SSBP3: variants seen among roughly 807,000 people sequenced by gnomAD.
SSBP3 encodes the protein single-stranded DNA-binding protein 3.
A neutral mutation model predicts 69.6 loss-of-function variants in SSBP3; 5 were observed. The ratio of observed to expected loss-of-function variants is 0.07; its 90% CI spans 0.04 to 0.15. The LOEUF is 0.15. Among genes scored for constraint, SSBP3 ranks in the 10% least tolerant of loss-of-function variants. SSBP3 has a pLI of 1.00. For missense variants in SSBP3, 312 were observed against 534.0 expected (o/e 0.58, Z 4.10); for synonymous variants, 196 against 193.4 (o/e 1.01, Z -0.11).
chr1:54,363,263 T>C (rs1275004565), intron 4 of SSBP3, among the ~76,000 whole-genome samples: 1 of 152,178 alleles, frequency 6.6e-6, no homozygotes, highest in African/African-American at 2.4e-5. Context: ...ACACAGTGCC[T>C]TGTTTCACCA....
intron 4 of SSBP3, among the ~76,000 whole-genome samples, chr1:54,360,704 G>A (rs1010169679): frequency 6.6e-6 from 1 of 152,128 alleles, no homozygotes; most frequent in Non-Finnish European, 1.5e-5. Context: ...TGAACTTGGG[G>A]AAGTTACTGA....
intron 4 of SSBP3, among the ~76,000 whole-genome samples, chr1:54,380,115 C>T (rs1647502006): frequency 6.6e-6 from 1 of 152,174 alleles, no homozygotes; most frequent in East Asian, 1.9e-4. Context: ...CCAGGCTCCT[C>T]CCTCTCCTAG....
intron 4 of SSBP3, among the ~76,000 whole-genome samples, chr1:54,350,666 G>A (rs1646767626): frequency 6.6e-6 from 1 of 152,122 alleles, no homozygotes; most frequent in South Asian, 2.1e-4. Flanking sequence ...GCCTTGCTTG[G>A]GTCTGAATGT....
intron 4 of SSBP3, among the ~76,000 whole-genome samples, chr1:54,374,836 T>C (rs1000686317): frequency 6.6e-6 from 1 of 152,216 alleles, no homozygotes; most frequent in African/African-American, 2.4e-5. Context: ...GAGCATGAAC[T>C]TGCTTAAAAA....
intron 4 of SSBP3, among the ~76,000 whole-genome samples, chr1:54,284,813 C>T (rs374881276): frequency 1.3e-5 from 2 of 152,108 alleles, no homozygotes; most frequent in African/African-American, 2.4e-5. Flanking sequence ...AGTACTTTGT[C>T]GCCTTATTTA....
At chr1:54,297,999 G>A (rs1216949595) in intron 4 of SSBP3, among the ~76,000 whole-genome samples, 1 of 152,144 alleles carries the variant, frequency 6.6e-6, no homozygotes, top group Non-Finnish European at 1.5e-5. Flanking sequence ...CCCAGGTTCT[G>A]GGGATGGCTG....
At chr1:54,266,244 T>C (rs1645102229) in intron 5 of SSBP3, among the ~76,000 whole-genome samples, 1 of 152,162 alleles carries the variant, frequency 6.6e-6, no homozygotes, top group African/African-American at 2.4e-5. Flanking sequence ...CCAAGCTGCA[T>C]ACCAGGGCAA....
chr1:54,371,030 A>G (rs1647123847), intron 4 of SSBP3, among the ~76,000 whole-genome samples: 1 of 152,138 alleles, frequency 6.6e-6, no homozygotes, highest in Admixed American at 6.5e-5. Flanking sequence ...CCCCCTCTCC[A>G]GTGGCGGCTG....
chr1:54,380,594 C>T (rs1039604063), intron 4 of SSBP3, among the ~76,000 whole-genome samples: 4 of 152,228 alleles, frequency 2.6e-5, no homozygotes, highest in Admixed American at 6.5e-5. Flanking sequence ...TGAGAAGCTA[C>T]GGCCCATCGT....
At chr1:54,394,309 CCTG>C (rs1393500269) in intron 4 of SSBP3, among the ~76,000 whole-genome samples, 12 of 152,204 alleles carry the variant, frequency 7.9e-5, no homozygotes, top group African/African-American at 2.9e-4. Flanking sequence ...CACCTGCAAT[CCTG>C]CTATTTATAT....
intron 14 of SSBP3, chr1:54,236,413 G>A (rs660012): frequency 0.12 from 17,663 of 152,166 alleles, 1,396 homozygotes; most frequent in South Asian, 0.23. Flanking sequence ...GAGTCACCGC[G>A]CCCAGCCTAT....
intron 7 of SSBP3, among the ~76,000 whole-genome samples, chr1:54,254,960 G>A (rs531745065): frequency 2.0e-5 from 3 of 152,104 alleles, no homozygotes; most frequent in Admixed American, 1.3e-4. Flanking sequence ...AGCCTCCTGG[G>A]TAGCTGGGAT....
At position 54,403,074 on chromosome 1, in the gene SSBP3, G is replaced by A. The variant is rs114139640; in HGVS notation, c.192-1129C>T. On this transcript the variant is annotated intron_variant, in intron 3 of 17. Coordinates refer to ENST00000610401, the Ensembl canonical transcript of SSBP3. ...ACAAGCTCCACTGCTTCCTCCCGCTGGAGAAAGCCTGGGTCATTTGCTCAG... is the reference window on the plus strand; with the variant it reads ...ACAAGCTCCACTGCTTCCTCCCGCTAGAGAAAGCCTGGGTCATTTGCTCAG... Among the ~76,000 whole-genome samples the A allele has an allele frequency of 3.7e-3, 559 of 152,328 alleles. 3 individuals are homozygous for A. Among genetic ancestry groups the A allele is most frequent in the African/African-American group, 0.013 (524 of 41,566 alleles).
intron 5 of SSBP3, among the ~76,000 whole-genome samples, chr1:54,275,177 T>G (rs978673413): frequency 2.6e-5 from 4 of 152,188 alleles, no homozygotes; most frequent in Admixed American, 1.3e-4. Flanking sequence ...ACACCACGTC[T>G]GACCGAGGGG....
At chr1:54,313,455 T>TC (rs1557521897) in intron 4 of SSBP3, among the ~76,000 whole-genome samples, 1 of 138,034 alleles carries the variant, frequency 7.2e-6, no homozygotes, top group Non-Finnish European at 1.5e-5. Flanking sequence ...TTTTTTTTTT[T>TC]TTTTTTCTTT....
At chr1:54,253,303 T>C (rs915267307) in intron 7 of SSBP3, among the ~76,000 whole-genome samples, 4 of 147,632 alleles carry the variant, frequency 2.7e-5, no homozygotes, top group Non-Finnish European at 6.0e-5. Flanking sequence ...GCAATCCTCC[T>C]GCCTCAGCCA....
At chr1:54,227,181 A>T in intron 17 of SSBP3, 21 bp from the exon 18 acceptor site, 38 of 525,160 alleles carry the variant, frequency 7.2e-5, no homozygotes, top group Non-Finnish European at 9.9e-5. Context: ...GAAGCAGAGA[A>T]GGGGGGGGGG....
At chr1:54,363,043 C>A (rs1220556300) in intron 4 of SSBP3, among the ~76,000 whole-genome samples, 1 of 151,964 alleles carries the variant, frequency 6.6e-6, no homozygotes, top group African/African-American at 2.4e-5. Context: ...AGGGTGCAGT[C>A]CTCCCAGCCT....
intron 4 of SSBP3, among the ~76,000 whole-genome samples, chr1:54,309,975 G>C (rs1645970589): frequency 1.3e-5 from 2 of 152,162 alleles, no homozygotes; most frequent in Non-Finnish European, 2.9e-5. Context: ...AAAACAAAAG[G>C]CGAGACACAG....
Sources: allele counts gnomAD v4.1 joint callset (sites outside exome capture counted in the v4.1 genomes callset), GRCh38; gene constraint gnomAD v4.1.1; transcripts MANE v1.5; gene names NCBI Gene and HGNC (gene_info 2026-07-23, HGNC 2026-07-21).